The following EMB variants were observed in gnomAD, a reference collection of about 807,000 sequenced individuals.
EMB encodes embigin homolog.
EMB carries 31 observed loss-of-function variants against 41.4 expected under a neutral mutation model. The observed-to-expected ratio is 0.75, with a 90% CI of 0.56 to 1.01. EMB has a LOEUF of 1.01. Ranked by LOEUF, EMB falls within the 50% of genes least tolerant of loss-of-function variation. The pLI, the probability that EMB is intolerant of heterozygous loss-of-function variation, is 0.00. For synonymous variants in EMB, 137 were observed against 140.4 expected, an observed-to-expected ratio of 0.98 and a Z score of 0.17; for missense variants, 379 against 388.3, an observed-to-expected ratio of 0.98 and a Z score of 0.20.
intron 1 of EMB, among the ~76,000 whole-genome samples, chr5:50,429,000 A>G (rs1258677397): frequency 6.6e-6 from 1 of 151,962 alleles, no homozygotes; most frequent in African/African-American, 2.4e-5. Flanking sequence ...GGTTCAAGCA[A>G]TTCTCCTGCC....
intron 2 of EMB, among the ~76,000 whole-genome samples, chr5:50,412,247 C>G (rs1455564650): frequency 6.5e-5 from 8 of 123,078 alleles, no homozygotes; most frequent in Non-Finnish European, 1.2e-4. Flanking sequence ...ACACCACACA[C>G]ACACACACAG....
chr5:50,441,945 C>T (rs1745922053), upstream of EMB, among the ~76,000 whole-genome samples: 1 of 152,172 alleles, frequency 6.6e-6, no homozygotes, highest in African/African-American at 2.4e-5. Flanking sequence ...AATCCGAACA[C>T]TCTTTAAGAT....
At chr5:50,433,121 T>G (rs1195520548) in intron 1 of EMB, among the ~76,000 whole-genome samples, 1 of 152,018 alleles carries the variant, frequency 6.6e-6, no homozygotes, top group Non-Finnish European at 1.5e-5. Context: ...ATGGGAACAT[T>G]TATAAGTCAG....
At chr5:50,435,086 T>C (rs1745782632) in intron 1 of EMB, among the ~76,000 whole-genome samples, 1 of 152,216 alleles carries the variant, frequency 6.6e-6, no homozygotes, top group Non-Finnish European at 1.5e-5. Context: ...ACTGTTTTAG[T>C]TTAATACCTC....
At chr5:50,433,094 A>C (rs777891215) in intron 1 of EMB, among the ~76,000 whole-genome samples, 32 of 152,092 alleles carry the variant, frequency 2.1e-4, no homozygotes, top group Non-Finnish European at 4.1e-4. Flanking sequence ...AAAAACAAAA[A>C]ACTTATAGTA....
At chr5:50,399,830 A>C (rs1745131361) in intron 8 of EMB, 29 bp downstream of exon 8, 1 of 1,553,544 alleles carries the variant, frequency 6.4e-7, no homozygotes, top group Admixed American at 1.8e-5. Context: ...TTGACCTTTT[A>C]TTTGGAATAT....
intron 1 of EMB, among the ~76,000 whole-genome samples, chr5:50,439,870 T>G (rs1045148517): frequency 6.6e-6 from 1 of 152,200 alleles, no homozygotes; most frequent in Non-Finnish European, 1.5e-5. Context: ...TAGTTACTGG[T>G]GGCCAATATT....
At chr5:50,434,799 G>A (rs1745777309) in intron 1 of EMB, among the ~76,000 whole-genome samples, 1 of 152,160 alleles carries the variant, frequency 6.6e-6, no homozygotes, top group African/African-American at 2.4e-5. Context: ...TATTTGAGAT[G>A]TTCTATGTTT....
chr5:50,412,662 AC>A (rs34770329), intron 2 of EMB, among the ~76,000 whole-genome samples: 49,079 of 151,742 alleles, frequency 0.32, 8,233 homozygotes, highest in East Asian at 0.46. Context: ...TGTTTTGGTA[AC>A]TTTTGTCCAT....
intron 1 of EMB, chr5:50,428,851 A>G (rs1440182834): frequency 2.8e-6 from 1 of 355,660 alleles, no homozygotes; most frequent in Non-Finnish European, 3.9e-6. Context: ...CACCTCTCTC[A>G]CTCTCTTCGA....
intron 1 of EMB, among the ~76,000 whole-genome samples, chr5:50,431,705 C>T (rs950340112): frequency 6.6e-6 from 1 of 152,162 alleles, no homozygotes; most frequent in African/African-American, 2.4e-5. Flanking sequence ...ATCAAACTCA[C>T]CCTTTCTTAA....
chr5:50,428,190 T>G lies in EMB; in HGVS notation c.150A>C (p.Ile50=). 1.2e-6 allele frequency: 2 copies of G among 1,612,406 alleles called. No homozygotes were observed. The highest frequency in any genetic ancestry group is 1.7e-6 in the Non-Finnish European group (2 of 1,178,556). The change falls in exon 2 of 9, where the codon ATA becomes ATC. Residue 50 remains isoleucine (I), a synonymous_variant. Coordinates refer to ENST00000303221, the MANE Select transcript of EMB (RefSeq NM_198449.3). ...TCTCCAAGGAAAAGTTATTTGCCAT[T>G]ATTTCTTCTCTGAGAGGTGGACTTG... The part of the protein sequence containing the change: ...PFTSPPLREE[I]MANNFSLESH...
intron 4 of EMB, among the ~76,000 whole-genome samples, chr5:50,408,776 C>A (rs546071286): frequency 2.0e-5 from 3 of 151,974 alleles, no homozygotes; most frequent in East Asian, 1.9e-4. Context: ...AAAATACACA[C>A]CATTTTATAA....
intron 1 of EMB, among the ~76,000 whole-genome samples, chr5:50,436,405 G>A (rs1464371732): frequency 6.6e-6 from 1 of 151,982 alleles, no homozygotes; most frequent in Non-Finnish European, 1.5e-5. Flanking sequence ...ATCTTTCCTA[G>A]ATTTAATTAT....
At position 50,399,042 on chromosome 5, in the gene EMB, G is replaced by A. The variant is rs1331333585; in HGVS notation, c.*231C>T. On this transcript the variant is annotated 3_prime_UTR_variant, in exon 9 of 9. Transcript: ENST00000303221. ...ACCAGAATATAATTAATTTTATTCTGGTCTAACATATTTATTCTGATTTAC... is the reference window on the plus strand; with the variant it reads ...ACCAGAATATAATTAATTTTATTCTAGTCTAACATATTTATTCTGATTTAC... 2.4e-6 allele frequency: 1 copy of A among 422,176 alleles called. No homozygotes were observed. The highest frequency in any genetic ancestry group is 4.2e-6 in the Non-Finnish European group (1 of 240,792). The allele number at this position is 422,176 out of a possible 1,614,324, so 26.2% of individuals were successfully genotyped here.
chr5:50,409,370 A>G (rs1186155842), intron 4 of EMB, among the ~76,000 whole-genome samples: 2 of 152,090 alleles, frequency 1.3e-5, no homozygotes, highest in African/African-American at 2.4e-5. Flanking sequence ...ATATTTCCAG[A>G]GCACAATGTC....
intron 2 of EMB, among the ~76,000 whole-genome samples, chr5:50,421,767 C>A (rs1418642932): frequency 6.6e-6 from 1 of 151,712 alleles, no homozygotes; most frequent in East Asian, 1.9e-4. Flanking sequence ...AAGCTGGAAA[C>A]CATCATTCTC....
chr5:50,442,912 AG>A (rs1239587980), upstream of EMB: 8 of 152,152 alleles, frequency 5.3e-5, no homozygotes, highest in Admixed American at 1.3e-4. Context: ...CATTTTTTTC[AG>A]TTGAATCAGC....
At chr5:50,433,332 A>C (rs1413043226) in intron 1 of EMB, among the ~76,000 whole-genome samples, 2 of 137,666 alleles carry the variant, frequency 1.5e-5, no homozygotes, top group Admixed American at 7.2e-5. Context: ...AATGGAAATA[A>C]ATAGATCTCT....
Sources: gnomAD v4.1 joint callset for allele counts (sites outside exome capture counted in the v4.1 genomes callset) on GRCh38, gnomAD v4.1.1 for gene constraint, MANE v1.5 for transcripts, NCBI Gene and HGNC (gene_info 2026-07-23, HGNC 2026-07-21) for gene names.